Variants in CYS1 observed in about 807,000 individuals in gnomAD.
CYS1 encodes cystin-1.
CYS1 carries 5 observed loss-of-function variants against 9.6 expected under a neutral mutation model. The observed-to-expected ratio is 0.52, with a 90% CI of 0.27 to 1.10. The LOEUF (loss-of-function observed/expected upper bound fraction) is 1.10, where lower values mean the gene tolerates loss of function less well. CYS1 is among the 50% of genes least tolerant of loss of function. The probability of loss-of-function intolerance (pLI) is 0.11; values close to 1 mark genes in which losing one functional copy is unlikely to be tolerated. For synonymous variants in CYS1, 88 were observed against 95.7 expected (o/e 0.92, Z 0.47); for missense variants, 221 against 207.9 (o/e 1.06, Z -0.39).
chr2:10,070,223 G>A (rs1253447669), intron 1 of CYS1, among the ~76,000 whole-genome samples: 1 of 152,206 alleles, frequency 6.6e-6, no homozygotes, highest in East Asian at 1.9e-4. Flanking sequence ...GGTGTACTTG[G>A]TTCAATGCCA....
Position 10,063,960 on chromosome 2 carries a change from C to T in CYS1, c.371+1944G>A, listed in dbSNP as rs1431554221. Reference sequence around the variant, plus strand: ...TGAAAAGGCTGGGTGCAGTGGCTCACGCCCATAATCCCAGCACTTTGGGAG... The same window carrying T: ...TGAAAAGGCTGGGTGCAGTGGCTCATGCCCATAATCCCAGCACTTTGGGAG... On this transcript the variant is annotated intron_variant, in intron 2 of 2. Transcript: ENST00000381813. This position sits in a 1 kb window ranked among gnomAD's most constrained non-coding sequence, Gnocchi z 4.2. Among the ~76,000 whole-genome samples the T allele has an allele frequency of 1.3e-5, 2 of 152,218 alleles. No homozygotes were observed. The highest frequency in any genetic ancestry group is 4.8e-5 in the African/African-American group (2 of 41,448).
chr2:10,079,315 G>A (rs866298419), intron 1 of CYS1, among the ~76,000 whole-genome samples: 6 of 152,174 alleles, frequency 3.9e-5, no homozygotes, highest in African/African-American at 9.7e-5. Context: ...GCCCGGGAGC[G>A]GATGTTAAAG....
chr2:10,073,251 C>T (rs868294898), intron 1 of CYS1, among the ~76,000 whole-genome samples: 8 of 150,180 alleles, frequency 5.3e-5, no homozygotes, highest in Non-Finnish European at 8.9e-5. Flanking sequence ...GTCCAGGGCC[C>T]GTCTCCACTG....
At chr2:10,066,100 C>A in intron 1 of CYS1, 144 bp from the exon 2 acceptor site, 4 of 860,066 alleles carry the variant, frequency 4.7e-6, no homozygotes, top group Non-Finnish European at 7.4e-6. Flanking sequence ...CTCGAGCTGT[C>A]AAGTTCCATC....
At chr2:10,077,617 G>A (rs1053912446) in intron 1 of CYS1, among the ~76,000 whole-genome samples, 1 of 152,188 alleles carries the variant, frequency 6.6e-6, no homozygotes, top group Admixed American at 6.5e-5. Flanking sequence ...CTGAGGTCAG[G>A]AGTTCAAGAC....
chr2:10,074,691 C>T (rs879719114), intron 1 of CYS1, among the ~76,000 whole-genome samples: 1 of 152,206 alleles, frequency 6.6e-6, no homozygotes, highest in Non-Finnish European at 1.5e-5. Context: ...GCCTAGCTCC[C>T]CACTGCCTAC....
chr2:10,059,935 T>C (rs1261428045), intron 2 of CYS1, among the ~76,000 whole-genome samples: 3 of 152,250 alleles, frequency 2.0e-5, no homozygotes, highest in Admixed American at 1.3e-4. Flanking sequence ...CCTGCTGGCT[T>C]GTCCTGCTCT....
chr2:10,074,773 T>TC (rs898245218), intron 1 of CYS1, among the ~76,000 whole-genome samples: 6 of 152,236 alleles, frequency 3.9e-5, no homozygotes, highest in African/African-American at 1.4e-4. Flanking sequence ...GTTTCTGCTC[T>TC]CCGACATCAC....
intron 2 of CYS1, among the ~76,000 whole-genome samples, chr2:10,059,825 C>T (rs1661602833): frequency 6.6e-6 from 1 of 152,276 alleles, no homozygotes; most frequent in South Asian, 2.1e-4. Context: ...AGGATCCCGC[C>T]AGTCCCTCAG....
Position 10,057,991 on chromosome 2 carries a change from T to A in CYS1, c.*862A>T, listed in dbSNP as rs189689213. 6.6e-6 allele frequency: 1 copy of A among 152,374 alleles called. No homozygotes were observed. The highest frequency in any genetic ancestry group is 6.5e-5 in the Admixed American group (1 of 15,298). The allele number at this position is 152,374 out of a possible 1,614,324, so 9.4% of individuals were successfully genotyped here. On this transcript the variant is annotated 3_prime_UTR_variant, in exon 3 of 3. Coordinates refer to ENST00000381813, the MANE Select transcript of CYS1 (RefSeq NM_001037160.3). ...CCCCGCAGGCACTGGCCAGGCTGCC[T>A]GTGAGAGGGAGAACTGGAAAGCCAG...
chr2:10,080,029 G>A lies in CYS1; in HGVS notation c.195C>T (p.Asp65=), dbSNP rs1661919157. The A allele has an allele frequency of 3.8e-6, 4 of 1,065,840 alleles. No homozygotes were observed. The highest frequency in any genetic ancestry group is 3.4e-6 in the Non-Finnish European group (3 of 882,808). The allele number at this position is 1,065,840 out of a possible 1,614,324, so 66.0% of individuals were successfully genotyped here. Residue 65 remains aspartate, a synonymous_variant, in exon 1 of 3, where the codon GAC becomes GAT. Transcript: ENST00000381813. The surrounding 1 kb of genome is among the most constrained non-coding windows in gnomAD (Gnocchi z 6.4). ...GCAGGCGCAGCGTCTCGTCCCTGCC[G>A]TCGGGGGGCGCCACGGGGCTGGGGT... The part of the protein sequence containing the change: ...GRDPSPVAPP[D]GRDETLRLLD...
intron 1 of CYS1, 41 bp downstream of exon 1, chr2:10,079,865 G>C (rs1661914988): frequency 2.8e-6 from 3 of 1,075,754 alleles, no homozygotes; most frequent in South Asian, 8.9e-5. Context: ...GGTGAGTGGG[G>C]TCCCCGCCGT....
chr2:10,077,342 A>G (rs1288188563), intron 1 of CYS1, among the ~76,000 whole-genome samples: 1 of 152,242 alleles, frequency 6.6e-6, no homozygotes, highest in African/African-American at 2.4e-5. Context: ...TGATTCAGGG[A>G]TAAACAGACC....
Position 10,073,209 on chromosome 2 carries a change from GCC to G in CYS1, c.318+6695_318+6696del, listed in dbSNP as rs36064107. Among the ~76,000 whole-genome samples, 141 of 129,862 alleles carry G rather than the reference GCC, an allele frequency of 1.1e-3. 1 individual carries two copies. The highest frequency in any genetic ancestry group is 4.0e-3 in the Middle Eastern group (1 of 248). The allele number at this position is 129,862 out of a possible 152,430, so 85.2% of individuals were successfully genotyped here. A position where few individuals can be genotyped will look rare whatever the true frequency, so the allele number is the denominator to read the frequency against. ...GACGTGACAAGGGGCTCTGGGAACC[GCC>G]CCCCCCCCCCCCCCGGCTGTGGGCT... On this transcript the variant is annotated intron_variant, in intron 1 of 2. Transcript: ENST00000381813.
intron 1 of CYS1, among the ~76,000 whole-genome samples, chr2:10,067,352 T>C (rs7601522): frequency 0.67 from 100,985 of 150,840 alleles, 33,862 homozygotes; most frequent in East Asian, 0.78. Context: ...AATTTTCTAC[T>C]TGCTTGATGC....
chr2:10,072,540 CA>C (rs1378669183), intron 1 of CYS1, among the ~76,000 whole-genome samples: 3 of 152,186 alleles, frequency 2.0e-5, no homozygotes, highest in African/African-American at 7.2e-5. Context: ...GTGTAATTGG[CA>C]GAACAATTCC....
rs1661849886 is a variant in CYS1, at chr2:10,076,782, T to C, written c.318+3124A>G. On this transcript the variant is annotated intron_variant, in intron 1 of 2. Coordinates refer to ENST00000381813, the MANE Select transcript of CYS1 (RefSeq NM_001037160.3). This position sits in a 1 kb window ranked among gnomAD's most constrained non-coding sequence, Gnocchi z 4.3. The stretch of plus-strand genomic sequence containing the variant: ...GAGCCCGGTGCCCATCCATGCTTCC[T>C]AAGCACACGCTGGCAGCATCGTCAC... Among the ~76,000 whole-genome samples the C allele has an allele frequency of 6.6e-6, 1 of 152,172 alleles. No homozygotes were observed. Among genetic ancestry groups the C allele is most frequent in the South Asian group, 2.1e-4 (1 of 4,832 alleles).
rs1356915837 is a variant in CYS1 at position 10,080,326 on chromosome 2, G to A, written c.-103C>T. The stretch of plus-strand genomic sequence containing the variant: ...GCGGCCGGGGCGGGCTGCAGGGGGA[G>A]GCGCGGGGCGAGGTCCGGGAAGCGA... On this transcript the variant is annotated 5_prime_UTR_variant, in exon 1 of 3. Transcript: ENST00000381813. The surrounding 1 kb of genome is among the most constrained non-coding windows in gnomAD (Gnocchi z 6.4). 3.4e-5 allele frequency: 25 copies of A among 735,912 alleles called. No homozygotes were observed. In the Admixed American group the frequency reaches 4.9e-4, roughly 14 times the overall value. 45.6% of individuals were successfully genotyped at this position (735,912 alleles called of 1,614,324 possible).
Position 10,057,386 on chromosome 2 carries a change from A to C in CYS1, c.*1467T>G, listed in dbSNP as rs1460257744. ...ACAGCTGGTCAAAGGCACTCTCAAAAGTTCAAGGAAATGCCCGTTTGCGGA... is the reference window on the plus strand; with the variant it reads ...ACAGCTGGTCAAAGGCACTCTCAAACGTTCAAGGAAATGCCCGTTTGCGGA... On this transcript the variant is annotated 3_prime_UTR_variant, in exon 3 of 3. Transcript: ENST00000381813. 1 of 152,276 alleles carries C rather than the reference A, an allele frequency of 6.6e-6. No individual in the cohort carries two copies. The highest frequency in any genetic ancestry group is 1.5e-5 in the Non-Finnish European group (1 of 68,052). 9.4% of individuals were successfully genotyped at this position (152,276 alleles called of 1,614,324 possible).
Sources: allele counts gnomAD v4.1 joint callset (sites outside exome capture counted in the v4.1 genomes callset), GRCh38; gene constraint gnomAD v4.1.1; non-coding constraint Gnocchi (gnomAD v3.1); transcripts MANE v1.5; gene names NCBI Gene and HGNC (gene_info 2026-07-23, HGNC 2026-07-21).